Variants in ADAMTS17 observed in about 807,000 individuals in gnomAD.
The protein encoded by ADAMTS17 is A disintegrin and metalloproteinase with thrombospondin motifs 17.
ADAMTS17 carries 113 observed loss-of-function variants against 141.5 expected under a neutral mutation model. The observed-to-expected ratio is 0.80, with a 90% CI of 0.69 to 0.93. The LOEUF (loss-of-function observed/expected upper bound fraction) is 0.93. Ranked by LOEUF, ADAMTS17 falls within the 40% of genes least tolerant of loss-of-function variation. The pLI is 0.00. For synonymous variants in ADAMTS17, 768 were observed against 630.6 expected, an observed-to-expected ratio of 1.22 and a Z score of -3.27; for missense variants, 1,659 against 1,517.9, an observed-to-expected ratio of 1.09 and a Z score of -1.54.
chr15:100,051,875 G>A (rs912897496), intron 16 of ADAMTS17, 144 bp from the exon 17 acceptor site: 15 of 1,037,474 alleles, frequency 1.4e-5, no homozygotes, highest in Admixed American at 1.1e-4. Flanking sequence ...AGGTTCCACT[G>A]AGGGTGCTCC....
intron 15 of ADAMTS17, chr15:100,063,634 C>T (rs1022947173): frequency 4.9e-5 from 63 of 1,285,020 alleles, no homozygotes; most frequent in Non-Finnish European, 5.8e-5. Flanking sequence ...TCATCAAAAT[C>T]GATTCTCAAC....
intron 8 of ADAMTS17, among the ~76,000 whole-genome samples, chr15:100,161,680 G>C (rs540033020): frequency 1.3e-5 from 2 of 152,294 alleles, no homozygotes; most frequent in East Asian, 3.9e-4. Context: ...TCTCCAGTCA[G>C]TACTTCTTGC....
chr15:100,186,536 A>G (rs2040724592), intron 8 of ADAMTS17, among the ~76,000 whole-genome samples: 1 of 152,140 alleles, frequency 6.6e-6, no homozygotes, highest in African/African-American at 2.4e-5. Flanking sequence ...CATACTACCT[A>G]TCTCCACAGC....
chr15:100,195,878 A>G (rs113041075), intron 8 of ADAMTS17, among the ~76,000 whole-genome samples: 1 of 152,354 alleles, frequency 6.6e-6, no homozygotes, highest in African/African-American at 2.4e-5. Flanking sequence ...CAGCATGTAT[A>G]ATCATATAAG....
intron 2 of ADAMTS17, among the ~76,000 whole-genome samples, chr15:100,340,087 A>T (rs1405417912): frequency 2.0e-5 from 3 of 152,260 alleles, no homozygotes; most frequent in African/African-American, 4.8e-5. Flanking sequence ...ATGACAGAAG[A>T]CAGAGAACCC....
chr15:100,260,185 G>C (rs115961384), intron 6 of ADAMTS17, among the ~76,000 whole-genome samples: 1 of 152,144 alleles, frequency 6.6e-6, no homozygotes, highest in East Asian at 1.9e-4. Context: ...TGCACTGTCC[G>C]GTGTCTGGGG....
intron 20 of ADAMTS17, among the ~76,000 whole-genome samples, chr15:99,982,202 C>T (rs1596148673): frequency 6.6e-6 from 1 of 152,280 alleles, no homozygotes; most frequent in Admixed American, 6.5e-5. Context: ...TTATTCTCAA[C>T]AGTGAATGCA....
Position 100,152,881 on chromosome 15 carries a change from T to C in ADAMTS17, c.1323-119A>G, listed in dbSNP as rs1163892957. On this transcript the variant is annotated intron_variant, in intron 9 of 21. Coordinates refer to ENST00000268070, the MANE Select transcript of ADAMTS17 (RefSeq NM_139057.4). ...GAAGAGGGCACCTCCACGTTCCTTATGGAAAAAGGACGCAGGCACTGGACA... is the reference window on the plus strand; with the variant it reads ...GAAGAGGGCACCTCCACGTTCCTTACGGAAAAAGGACGCAGGCACTGGACA... 13 of 1,357,558 alleles carry C rather than the reference T, an allele frequency of 9.6e-6. No individual in the cohort carries two copies. The East Asian group carries it at 2.7e-4, about 29-fold the overall frequency. The allele number at this position is 1,357,558 out of a possible 1,614,324, so 84.1% of individuals were successfully genotyped here.
intron 8 of ADAMTS17, among the ~76,000 whole-genome samples, chr15:100,187,948 A>G (rs1172485875): frequency 6.6e-6 from 1 of 152,188 alleles, no homozygotes; most frequent in African/African-American, 2.4e-5. Flanking sequence ...ACCAGGCGGG[A>G]TGGTGTGCGA....
chr15:100,093,882 G>A (rs1328089972), intron 15 of ADAMTS17, among the ~76,000 whole-genome samples: 1 of 152,190 alleles, frequency 6.6e-6, no homozygotes, highest in East Asian at 1.9e-4. Context: ...ACCATTGCGT[G>A]ATTGGGCTTG....
At chr15:100,011,314 AGGAGGGATG>A (rs2061167790) in intron 18 of ADAMTS17, among the ~76,000 whole-genome samples, 1 of 129,740 alleles carries the variant, frequency 7.7e-6, no homozygotes, top group African/African-American at 2.9e-5. Context: ...AGGGAAGGAA[AGGAGGGATG>A]GGAGGGAGGG....
chr15:100,158,757 C>T, intron 8 of ADAMTS17, among the ~76,000 whole-genome samples: 1 of 152,150 alleles, frequency 6.6e-6, no homozygotes, highest in Non-Finnish European at 1.5e-5. Flanking sequence ...ATATATGAAG[C>T]TCCTACAACT....
chr15:100,090,003 A>C (rs997360546), intron 15 of ADAMTS17, among the ~76,000 whole-genome samples: 5 of 151,908 alleles, frequency 3.3e-5, no homozygotes, highest in East Asian at 1.9e-4. Flanking sequence ...AAAAAAAAAA[A>C]AAACAAAATA....
chr15:100,090,294 A>G (rs2035374010), intron 15 of ADAMTS17, among the ~76,000 whole-genome samples: 1 of 152,220 alleles, frequency 6.6e-6, no homozygotes, highest in Non-Finnish European at 1.5e-5. Flanking sequence ...CAAACTACCA[A>G]ACATACCTGC....
At position 100,225,587 on chromosome 15, in the gene ADAMTS17, G is replaced by C. The variant is rs1047830134; in HGVS notation, c.1076-26164C>G. 2.0e-5 allele frequency among the ~76,000 whole-genome samples: 3 copies of C among 148,142 alleles called. No individual in the cohort carries two copies. The East Asian group carries it at 6.0e-4, about 30-fold the overall frequency. On this transcript the variant is annotated intron_variant, in intron 7 of 21. Coordinates refer to ENST00000268070, the MANE Select transcript of ADAMTS17 (RefSeq NM_139057.4). ...GCCATTCAGTCCTCACAGCAGTCACGGTCTCTGTGCCATTCAGTCCTTACA... is the reference window on the plus strand; with the variant it reads ...GCCATTCAGTCCTCACAGCAGTCACCGTCTCTGTGCCATTCAGTCCTTACA...
intron 18 of ADAMTS17, among the ~76,000 whole-genome samples, chr15:100,006,409 C>G (rs1279707485): frequency 6.6e-6 from 1 of 152,166 alleles, no homozygotes; most frequent in African/African-American, 2.4e-5. Context: ...GAGATTTAAA[C>G]TAGGTAAAGG....
chr15:100,245,551 A>G (rs1189233976), intron 7 of ADAMTS17, among the ~76,000 whole-genome samples: 2 of 152,200 alleles, frequency 1.3e-5, no homozygotes, highest in Non-Finnish European at 2.9e-5. Flanking sequence ...ATACCTACAT[A>G]TTTTCACCAT....
intron 15 of ADAMTS17, among the ~76,000 whole-genome samples, chr15:100,081,212 T>C (rs1210352901): frequency 6.6e-6 from 1 of 152,220 alleles, no homozygotes; most frequent in Admixed American, 6.5e-5. Flanking sequence ...TCTCCTGTGC[T>C]AGATGCTTCC....
At chr15:100,212,059 G>A (rs1210607820) in intron 7 of ADAMTS17, among the ~76,000 whole-genome samples, 4 of 152,104 alleles carry the variant, frequency 2.6e-5, no homozygotes, top group Non-Finnish European at 4.4e-5. Context: ...CAGGAATCTC[G>A]GTAGCCTCTT....
Sources: gnomAD v4.1 joint callset for allele counts (sites outside exome capture counted in the v4.1 genomes callset) on GRCh38, gnomAD v4.1.1 for gene constraint, MANE v1.5 for transcripts, NCBI Gene and HGNC (gene_info 2026-07-23, HGNC 2026-07-21) for gene names.